ELAVL4: variants seen among roughly 807,000 people sequenced by gnomAD.
ELAVL4 encodes ELAV like RNA binding protein 4, also known as ELAV-like protein 4.
ELAVL4 carries 1 observed loss-of-function variant against 35.6 expected under a neutral mutation model. The ratio of observed to expected loss-of-function variants is 0.03; its 90% CI spans 0.01 to 0.13. ELAVL4 has a LOEUF of 0.13. Among genes scored for constraint, ELAVL4 ranks in the 10% least tolerant of loss-of-function variants. The probability of loss-of-function intolerance (pLI) is 1.00; values close to 1 mark genes in which losing one functional copy is unlikely to be tolerated. For synonymous variants in ELAVL4, 156 were observed against 171.0 expected, an observed-to-expected ratio of 0.91 and a Z score of 0.69; for missense variants, 267 against 464.9, an observed-to-expected ratio of 0.57 and a Z score of 3.91.
chr1:50,142,463 A>T (rs1672986414), intron 1 of ELAVL4, among the ~76,000 whole-genome samples: 1 of 152,144 alleles, frequency 6.6e-6, no homozygotes, highest in African/African-American at 2.4e-5. Flanking sequence ...TCGGCCTCCC[A>T]AAGTGTTGGG....
At chr1:50,152,023 G>C (rs1572415961) in intron 2 of ELAVL4, among the ~76,000 whole-genome samples, 1 of 138,098 alleles carries the variant, frequency 7.2e-6, no homozygotes, top group Admixed American at 6.8e-5. Context: ...GGGGGAATCA[G>C]AGACTTTCCA....
intron 3 of ELAVL4, among the ~76,000 whole-genome samples, chr1:50,178,048 C>T (rs1047891460): frequency 9.9e-5 from 15 of 152,130 alleles, no homozygotes; most frequent in Middle Eastern, 3.2e-3. Context: ...CTTGGGCAGC[C>T]GGTGGTGGTC....
At chr1:50,164,496 C>A (rs765889617) in intron 2 of ELAVL4, among the ~76,000 whole-genome samples, 1 of 152,216 alleles carries the variant, frequency 6.6e-6, no homozygotes, top group Non-Finnish European at 1.5e-5. Flanking sequence ...CCATCATGAC[C>A]TTTGAAAATA....
intron 2 of ELAVL4, among the ~76,000 whole-genome samples, chr1:50,147,154 C>T (rs1301774980): frequency 2.0e-5 from 3 of 152,120 alleles, no homozygotes; most frequent in Non-Finnish European, 2.9e-5. Context: ...AAATACAATT[C>T]AGGCATAAAT....
intron 1 of ELAVL4, among the ~76,000 whole-genome samples, chr1:50,072,409 T>A (rs4926843): frequency 6.6e-6 from 1 of 152,102 alleles, no homozygotes; most frequent in African/African-American, 2.4e-5. Flanking sequence ...GTATTCCTTC[T>A]CCAGCAGAGA....
At chr1:50,067,159 A>T (rs1664303335) in intron 1 of ELAVL4, among the ~76,000 whole-genome samples, 1 of 152,172 alleles carries the variant, frequency 6.6e-6, no homozygotes, top group Non-Finnish European at 1.5e-5. Context: ...TAAGAGGTTG[A>T]TGGATTGTAG....
At chr1:50,139,378 G>C (rs568865326) in intron 1 of ELAVL4, among the ~76,000 whole-genome samples, 2 of 152,316 alleles carry the variant, frequency 1.3e-5, no homozygotes, top group East Asian at 3.9e-4. Context: ...GAAAAGTATG[G>C]AGGTAGACAT....
intron 2 of ELAVL4, among the ~76,000 whole-genome samples, chr1:50,166,290 G>A (rs1241519355): frequency 1.3e-5 from 2 of 152,130 alleles, no homozygotes; most frequent in Non-Finnish European, 2.9e-5. Context: ...ATAAGCTCAT[G>A]ATTACACCTA....
chr1:50,174,545 T>C (rs552523421), intron 2 of ELAVL4: 3 of 151,896 alleles, frequency 2.0e-5, no homozygotes, highest in Non-Finnish European at 4.4e-5. Flanking sequence ...AAATGCAGTC[T>C]CTCTCTAAAG....
chr1:50,166,417 A>G (rs558004124), intron 2 of ELAVL4, among the ~76,000 whole-genome samples: 14 of 152,360 alleles, frequency 9.2e-5, no homozygotes, highest in South Asian at 6.2e-4. Flanking sequence ...CTTATGTCAC[A>G]TGATAAAGGA....
rs12063910 is a variant in ELAVL4 at position 50,164,772 on chromosome 1, G to C, written c.251-12317G>C. On this transcript the variant is annotated intron_variant, in intron 2 of 6. Transcript: ENST00000371824. ...ATGGGTAAGGCTCTGGTAAAAAAAAGATTTTGCTGCTTTTCCCGGTCCTTT... is the reference window on the plus strand; with the variant it reads ...ATGGGTAAGGCTCTGGTAAAAAAAACATTTTGCTGCTTTTCCCGGTCCTTT... Among the ~76,000 whole-genome samples the C allele has an allele frequency of 2.0e-3, 308 of 152,302 alleles. 4 individuals are homozygous for C. The highest frequency in any genetic ancestry group is 7.0e-3 in the African/African-American group (292 of 41,568).
At chr1:50,186,708 G>A (rs747415636) in intron 3 of ELAVL4, among the ~76,000 whole-genome samples, 19 of 152,194 alleles carry the variant, frequency 1.2e-4, no homozygotes, top group Non-Finnish European at 2.5e-4. Flanking sequence ...TGCATGAAGG[G>A]GTTGGCAGGA....
upstream of ELAVL4, among the ~76,000 whole-genome samples, chr1:50,106,874 A>T (rs1301607674): frequency 2.6e-5 from 4 of 152,224 alleles, no homozygotes; most frequent in East Asian, 7.7e-4. Flanking sequence ...AAGTGGCCAG[A>T]ATACCTTTTA....
Position 50,078,146 on chromosome 1 carries a change from A to G in ELAVL4, c.18+29964A>G, listed in dbSNP as rs975138668. ...TGTGTGTGTGTGTGTGTGTGTGTAT[A>G]TAGTATTTGTGTGTTTATATATCTA... On this transcript the variant is annotated intron_variant, in intron 1 of 6. Transcript: ENST00000448907. Among the ~76,000 whole-genome samples the G allele has an allele frequency of 5.4e-4, 76 of 139,722 alleles. 1 individual carries two copies. In the South Asian group the frequency reaches 7.8e-3, roughly 14 times the overall value. 91.7% of individuals were successfully genotyped at this position (139,722 alleles called of 152,430 possible). A position where few individuals can be genotyped will look rare whatever the true frequency, so the allele number is the denominator to read the frequency against.
At chr1:50,199,396 C>CA (rs1179365585) in intron 6 of ELAVL4, among the ~76,000 whole-genome samples, 1 of 152,156 alleles carries the variant, frequency 6.6e-6, no homozygotes, top group African/African-American at 2.4e-5. Context: ...AAATGAAAAG[C>CA]AAGAAACTAT....
chr1:50,145,306 A>C, intron 2 of ELAVL4, 109 bp downstream of exon 2: 1 of 1,499,868 alleles, frequency 6.7e-7, no homozygotes, highest in Non-Finnish European at 9.1e-7. Flanking sequence ...CCCTGCATGC[A>C]AGATGGCATG....
At chr1:50,099,270 C>A (rs1217811543), upstream of ELAVL4, among the ~76,000 whole-genome samples, 1 of 152,090 alleles carries the variant, frequency 6.6e-6, no homozygotes, top group Non-Finnish European at 1.5e-5. Context: ...GTGAAAGTAA[C>A]AATGAACTGG....
intron 3 of ELAVL4, 150 bp from the exon 4 acceptor site, chr1:50,193,615 G>C: frequency 1.1e-6 from 1 of 876,014 alleles, no homozygotes; most frequent in South Asian, 1.9e-5. Flanking sequence ...ACTATTACAA[G>C]GGTAGCTAAA....
At chr1:50,136,681 C>G (rs1027298764) in intron 1 of ELAVL4, among the ~76,000 whole-genome samples, 1 of 152,118 alleles carries the variant, frequency 6.6e-6, no homozygotes, top group African/African-American at 2.4e-5. Flanking sequence ...ACATCTTTCT[C>G]GTTTCTGGGA....
Sources: allele counts gnomAD v4.1 joint callset (sites outside exome capture counted in the v4.1 genomes callset), GRCh38; gene constraint gnomAD v4.1.1; transcripts MANE v1.5; gene names NCBI Gene and HGNC (gene_info 2026-07-23, HGNC 2026-07-21).